The following TTC39C variants were observed in gnomAD, a reference collection of about 807,000 sequenced individuals.
TTC39C encodes tetratricopeptide repeat domain 39C, also known as tetratricopeptide repeat protein 39C.
TTC39C carries 33 observed loss-of-function variants against 76.3 expected under a neutral mutation model. That is an observed-to-expected ratio of 0.43 (90% CI 0.33 to 0.58). TTC39C has a LOEUF of 0.58. Among genes scored for constraint, TTC39C ranks in the 20% least tolerant of loss-of-function variants. TTC39C has a pLI of 0.04. For synonymous variants in TTC39C, 254 were observed against 260.6 expected (o/e 0.97, Z 0.24); for missense variants, 595 against 701.4 (o/e 0.85, Z 1.71).
At chr18:24,105,452 ATGTAT>A (rs905046157) in intron 6 of TTC39C, among the ~76,000 whole-genome samples, 55 of 152,334 alleles carry the variant, frequency 3.6e-4, no homozygotes, top group African/African-American at 1.3e-3. Context: ...AGGGAAATAA[ATGTAT>A]TATATAGGCA....
At chr18:24,001,836 T>TGG (rs1555763433) in intron 1 of TTC39C, among the ~76,000 whole-genome samples, 6 of 120,690 alleles carry the variant, frequency 5.0e-5, no homozygotes, top group Admixed American at 4.9e-4. Flanking sequence ...TTTTTTTTTT[T>TGG]TTTTTTTGAG....
chr18:24,030,799 C>T (rs2083659775), intron 1 of TTC39C, among the ~76,000 whole-genome samples: 1 of 152,118 alleles, frequency 6.6e-6, no homozygotes, highest in South Asian at 2.1e-4. Context: ...GGATCATAGG[C>T]ACCCACCACT....
chr18:24,089,368 A>G (rs184024928), intron 6 of TTC39C, among the ~76,000 whole-genome samples: 186 of 152,318 alleles, frequency 1.2e-3, no homozygotes, highest in African/African-American at 3.7e-3. Context: ...ATAATTCCCT[A>G]AAGTTCTGTT....
Position 24,014,977 on chromosome 18 carries a change from G to T in TTC39C, c.106G>T (p.Gly36Cys). Residue 36 changes from glycine to cysteine, a missense_variant, in exon 1 of 14, where the codon GGC (glycine) becomes TGC (cysteine). Physicochemically the swap from Gly to Cys is radical, Grantham distance 159. Transcript: ENST00000317571. ...PLQDAELALA[G>C]INMLLNNGFR... ...GCAGGACGCGGAGCTGGCCCTGGCC[G>T]GCATCAACATGCTGCTCAACAACGG... The T allele has an allele frequency of 6.5e-7, 1 of 1,528,702 alleles. No homozygotes were observed. The highest frequency in any genetic ancestry group is 8.8e-7 in the Non-Finnish European group (1 of 1,137,670). 94.7% of individuals were successfully genotyped at this position (1,528,702 alleles called of 1,614,324 possible).
chr18:24,054,052 A>G (rs557426403), intron 1 of TTC39C, among the ~76,000 whole-genome samples: 1 of 152,256 alleles, frequency 6.6e-6, no homozygotes, highest in South Asian at 2.1e-4. Context: ...GCTTATATGG[A>G]TAATATAAAA....
At chr18:24,131,724 A>G (rs1337892373) in intron 12 of TTC39C, among the ~76,000 whole-genome samples, 158 bp from the exon 13 acceptor site, 3 of 152,126 alleles carry the variant, frequency 2.0e-5, no homozygotes, top group African/African-American at 7.2e-5. Context: ...AAAAAAAAAA[A>G]AAAAGAAGAA....
At position 24,078,321 on chromosome 18, in the gene TTC39C, A is replaced by T. The variant is rs576164665; in HGVS notation, c.461-2264A>T. Among the ~76,000 whole-genome samples, 177 of 152,330 alleles carry T rather than the reference A, an allele frequency of 1.2e-3. 1 individual carries two copies. Among genetic ancestry groups the T allele is most frequent in the Non-Finnish European group, 1.6e-3 (108 of 68,036 alleles). On this transcript the variant is annotated intron_variant, in intron 4 of 13. Transcript: ENST00000317571. ...GTAAAATAATAGCTTGATACCATAGATTGGGGGTCCCCAAGACCACCTCCA... is the reference window on the plus strand; with the variant it reads ...GTAAAATAATAGCTTGATACCATAGTTTGGGGGTCCCCAAGACCACCTCCA...
chr18:24,087,602 T>TTTG (rs1555774951), intron 6 of TTC39C, among the ~76,000 whole-genome samples: 3 of 151,470 alleles, frequency 2.0e-5, no homozygotes, highest in African/African-American at 4.9e-5. Flanking sequence ...TGTTTTTTTT[T>TTTG]GAGACAGAGT....
intron 8 of TTC39C, among the ~76,000 whole-genome samples, chr18:24,120,818 T>C (rs2084957883): frequency 6.6e-6 from 1 of 152,170 alleles, no homozygotes; most frequent in South Asian, 2.1e-4. Flanking sequence ...GCTTATTTCA[T>C]TTAGCATAAT....
At chr18:24,083,534 A>G (rs2084403084) in intron 6 of TTC39C, among the ~76,000 whole-genome samples, 2 of 152,198 alleles carry the variant, frequency 1.3e-5, no homozygotes, top group Non-Finnish European at 2.9e-5. Context: ...TCACATTTTC[A>G]TGTGCTTAAT....
intron 1 of TTC39C, among the ~76,000 whole-genome samples, chr18:24,035,358 A>G (rs1262762524): frequency 6.6e-6 from 1 of 152,096 alleles, no homozygotes; most frequent in African/African-American, 2.4e-5. Context: ...TTTTTTGAGG[A>G]ACTACTATAC....
chr18:24,088,695 G>A (rs938661322), intron 6 of TTC39C, among the ~76,000 whole-genome samples: 2 of 152,204 alleles, frequency 1.3e-5, no homozygotes, highest in African/African-American at 4.8e-5. Context: ...GATAGGATGT[G>A]CTTCCCCCAA....
intron 1 of TTC39C, among the ~76,000 whole-genome samples, chr18:24,042,835 T>C (rs887671204): frequency 6.6e-6 from 1 of 152,212 alleles, no homozygotes; most frequent in Admixed American, 6.5e-5. Context: ...GTGTGCCTAA[T>C]GACATTTAGG....
intron 1 of TTC39C, among the ~76,000 whole-genome samples, chr18:23,998,280 C>T (rs2083284834): frequency 6.6e-6 from 1 of 152,200 alleles, no homozygotes; most frequent in African/African-American, 2.4e-5. Context: ...GTCCCAAACT[C>T]TGGTTTTTAT....
At chr18:24,050,150 C>T (rs1599274416) in intron 1 of TTC39C, among the ~76,000 whole-genome samples, 1 of 152,186 alleles carries the variant, frequency 6.6e-6, no homozygotes, top group Non-Finnish European at 1.5e-5. Flanking sequence ...ACTCGTATCC[C>T]CTGTCCTGTT....
intron 1 of TTC39C, among the ~76,000 whole-genome samples, chr18:24,027,387 A>G (rs548589511): frequency 2.6e-5 from 4 of 152,252 alleles, no homozygotes; most frequent in South Asian, 4.1e-4. Flanking sequence ...CTCTTCCCCA[A>G]TTTCAAATGG....
chr18:24,070,638 G>A (rs1024765452), intron 4 of TTC39C, among the ~76,000 whole-genome samples: 1 of 152,100 alleles, frequency 6.6e-6, no homozygotes. Context: ...TGAATCAGGA[G>A]TTCGAGACCA....
In TTC39C at chr18:24,014,858, G is replaced by A; in HGVS notation, c.-14G>A. 2 of 1,333,370 alleles carry A rather than the reference G, an allele frequency of 1.5e-6. No individual in the cohort carries two copies. The highest frequency in any genetic ancestry group is 3.2e-5 in the East Asian group (1 of 30,800). 82.6% of individuals were successfully genotyped at this position (1,333,370 alleles called of 1,614,324 possible). On this transcript the variant is annotated 5_prime_UTR_variant, in exon 1 of 14. Coordinates refer to ENST00000317571, the MANE Select transcript of TTC39C (RefSeq NM_001135993.2). ...CCGATCTCGCCTCGGCCCAGCGCAGGGCCTCGCACGCCCATGGCCGGCTCG... is the reference window on the plus strand; with the variant it reads ...CCGATCTCGCCTCGGCCCAGCGCAGAGCCTCGCACGCCCATGGCCGGCTCG...
At chr18:24,109,495 G>A (rs188465909) in intron 6 of TTC39C, among the ~76,000 whole-genome samples, 3 of 152,184 alleles carry the variant, frequency 2.0e-5, no homozygotes, top group Non-Finnish European at 4.4e-5. Flanking sequence ...TTGTTACACT[G>A]TGTGGCCATT....
Sources: allele counts gnomAD v4.1 joint callset (sites outside exome capture counted in the v4.1 genomes callset), GRCh38; gene constraint gnomAD v4.1.1; transcripts MANE v1.5; gene names NCBI Gene and HGNC (gene_info 2026-07-23, HGNC 2026-07-21).